The following ATP7B variants were observed in gnomAD, a reference collection of about 807,000 sequenced individuals.
ATP7B encodes copper-transporting ATPase 2.
In ATP7B, 113 loss-of-function variants were observed where a neutral mutation model predicts 118.9. The ratio of observed to expected loss-of-function variants is 0.95; its 90% CI spans 0.82 to 1.11. The LOEUF (loss-of-function observed/expected upper bound fraction) is 1.11, where lower values mean the gene tolerates loss of function less well. ATP7B is among the 50% of genes most tolerant of loss of function. The probability of loss-of-function intolerance (pLI) is 0.00; values close to 1 mark genes in which losing one functional copy is unlikely to be tolerated. For missense variants in ATP7B, 1,867 were observed against 1,871.4 expected, an observed-to-expected ratio of 1.00 and a Z score of 0.04; for synonymous variants, 777 against 727.4, an observed-to-expected ratio of 1.07 and a Z score of -1.10.
Position 51,975,173 on chromosome 13 carries a change from A to C in ATP7B, c.52-5T>G, listed in dbSNP as rs762228338. ...CAAAGAAAGCTTAGATAAGATCTAAAAAGAAAAGAAATAACATTTTTTAAC... is the reference window on the plus strand; with the variant it reads ...CAAAGAAAGCTTAGATAAGATCTAACAAGAAAAGAAATAACATTTTTTAAC... On this transcript the variant is annotated splice_polypyrimidine_tract_variant and splice_region_variant and intron_variant, in intron 1 of 20. Transcript: ENST00000242839. 1.2e-6 allele frequency: 2 copies of C among 1,613,986 alleles called. No individual in the cohort carries two copies. The highest frequency in any genetic ancestry group is 2.7e-5 in the African/African-American group (2 of 74,944).
intron 5 of ATP7B, among the ~76,000 whole-genome samples, chr13:51,964,529 G>A (rs981257859): frequency 1.3e-5 from 2 of 152,246 alleles, no homozygotes; most frequent in African/African-American, 4.8e-5. Context: ...CAGATACTTC[G>A]TTTGGGCAAA....
At chr13:52,006,000 G>A (rs1175239310) in intron 1 of ATP7B, among the ~76,000 whole-genome samples, 4 of 152,232 alleles carry the variant, frequency 2.6e-5, no homozygotes, top group Non-Finnish European at 4.4e-5. Flanking sequence ...CTGCTTAAAG[G>A]TGTCCTTAAA....
At chr13:52,006,667 C>G (rs1953786996) in intron 1 of ATP7B, among the ~76,000 whole-genome samples, 1 of 152,216 alleles carries the variant, frequency 6.6e-6, no homozygotes, top group East Asian at 1.9e-4. Context: ...AACTCCTAGC[C>G]TGATAAACAG....
chr13:51,949,562 A>T, intron 12 of ATP7B, 100 bp downstream of exon 12: 2 of 1,526,356 alleles, frequency 1.3e-6, no homozygotes, highest in Non-Finnish European at 1.8e-6. Flanking sequence ...AATGTAATGA[A>T]TAATTAAAGC....
At chr13:51,996,157 T>C (rs1231930231) in intron 1 of ATP7B, among the ~76,000 whole-genome samples, 1 of 152,212 alleles carries the variant, frequency 6.6e-6, no homozygotes, top group African/African-American at 2.4e-5. Flanking sequence ...GAAAGTTCCA[T>C]GTTTCCTGTA....
In ATP7B at chr13:51,942,444, G is replaced by C. The variant is rs1462687233; in HGVS notation, c.3354C>G (p.Arg1118=). ...GGTGACTGGCCGGTGCACTCAAAGG[G>C]CGCTCACTGTGGGCCAGGATGCCTT... The part of the protein sequence containing the change: ...NVEGILAHSE[R]PLSAPASHLN... The change falls in exon 15 of 21, where the codon CGC becomes CGG. Residue 1118 remains arginine (R), a synonymous_variant. Transcript: ENST00000242839. 38 of 1,614,108 alleles carry C rather than the reference G, an allele frequency of 2.4e-5. No individual in the cohort carries two copies. In the Admixed American group the frequency reaches 6.3e-4, roughly 27 times the overall value.
chr13:51,974,257 C>T lies in ATP7B; in HGVS notation c.963G>A (p.Gly321=). The part of the protein sequence containing the change: ...LQRAIEALPP[G]NFKVSLPDGA... ...CATCAGGAAGAGAAACTTTAAAATTCCCAGGTGGAAGTGCCTCGATAGCCC... is the reference window on the plus strand; with the variant it reads ...CATCAGGAAGAGAAACTTTAAAATTTCCAGGTGGAAGTGCCTCGATAGCCC... The change falls in exon 2 of 21, where the codon GGG becomes GGA. Residue 321 remains glycine, a synonymous_variant. Coordinates refer to ENST00000242839, the MANE Select transcript of ATP7B (RefSeq NM_000053.4). 4 of 1,614,098 alleles carry T rather than the reference C, an allele frequency of 2.5e-6. No individual in the cohort carries two copies. The highest frequency in any genetic ancestry group is 3.4e-6 in the Non-Finnish European group (4 of 1,180,024).
chr13:51,934,260 G>T lies in ATP7B; in HGVS notation c.*496C>A, dbSNP rs924607453. The stretch of plus-strand genomic sequence containing the variant: ...CAGACTATGTACGAAGAAAGGAACA[G>T]ACTATGCAGGAAGAAAGCAACAGGC... On this transcript the variant is annotated 3_prime_UTR_variant, in exon 21 of 21. Coordinates refer to ENST00000242839, the MANE Select transcript of ATP7B (RefSeq NM_000053.4). 4.0e-6 allele frequency: 1 copy of T among 247,198 alleles called. No homozygotes were observed. The highest frequency in any genetic ancestry group is 2.2e-5 in the African/African-American group (1 of 45,498). 15.3% of individuals were successfully genotyped at this position (247,198 alleles called of 1,614,324 possible). A position where few individuals can be genotyped will look rare whatever the true frequency, so the allele number is the denominator to read the frequency against.
chr13:51,961,725 C>G (rs2139663051), intron 6 of ATP7B, 112 bp downstream of exon 6: 1 of 1,034,228 alleles, frequency 9.7e-7, no homozygotes, highest in Admixed American at 1.9e-5. Flanking sequence ...GTAAAGGCAG[C>G]TAATCCAGGA....
rs1263723915 is a variant in ATP7B, at chr13:51,962,049, C to G, written c.1870-136G>C. The stretch of plus-strand genomic sequence containing the variant: ...TGCCTCAGTAGACTTTGTGGGTTTT[C>G]TGCTTACAACTTCTTTACCCAATAG... On this transcript the variant is annotated intron_variant, in intron 5 of 20. Transcript: ENST00000242839. 9 of 694,290 alleles carry G rather than the reference C, an allele frequency of 1.3e-5. No individual in the cohort carries two copies. The African/African-American group carries it at 1.6e-4, about 12-fold the overall frequency. The allele number at this position is 694,290 out of a possible 1,614,324, so 43.0% of individuals were successfully genotyped here.
chr13:51,935,743 C>A (rs1412182676), intron 19 of ATP7B, 48 bp from the exon 20 acceptor site: 2 of 1,541,348 alleles, frequency 1.3e-6, no homozygotes, highest in Non-Finnish European at 1.8e-6. Flanking sequence ...GGGAGAGGAG[C>A]CAGGAGAGGG....
chr13:51,946,881 T>C (rs1957699760), intron 12 of ATP7B, among the ~76,000 whole-genome samples: 1 of 152,204 alleles, frequency 6.6e-6, no homozygotes, highest in Admixed American at 6.5e-5. Context: ...ATATACACAG[T>C]ACATAACACC....
At chr13:52,011,687 GTGTTCTCTGCCGTGCCAGTGCCACAA>G (rs960022533), upstream of ATP7B, among the ~76,000 whole-genome samples, 3 of 152,258 alleles carry the variant, frequency 2.0e-5, no homozygotes, top group African/African-American at 7.2e-5. Flanking sequence ...CGGTGCCACA[GTGTTCTCTGCCGTGCCAGTGCCACAA>G]TGTCCTCTGC....
chr13:51,958,683 C>A (rs1449230551), intron 7 of ATP7B, 139 bp from the exon 8 acceptor site: 2 of 748,444 alleles, frequency 2.7e-6, no homozygotes, highest in Non-Finnish European at 4.7e-6. Context: ...CTGTGATGGG[C>A]GTTTATGAAA....
At chr13:51,940,302 C>T (rs1426960554) in intron 16 of ATP7B, among the ~76,000 whole-genome samples, 29 of 147,656 alleles carry the variant, frequency 2.0e-4, no homozygotes, top group Non-Finnish European at 2.4e-4. Context: ...CGTGAGCCAC[C>T]GCACCTGGCC....
chr13:52,011,726 T>C (rs566608922), upstream of ATP7B, among the ~76,000 whole-genome samples: 10 of 152,354 alleles, frequency 6.6e-5, no homozygotes, highest in Admixed American at 4.6e-4. Flanking sequence ...TCCTCTGCCG[T>C]GCCGGCGCCG....
At chr13:51,969,019 C>T (rs1951712065) in intron 3 of ATP7B, among the ~76,000 whole-genome samples, 1 of 151,406 alleles carries the variant, frequency 6.6e-6, no homozygotes, top group Admixed American at 6.6e-5. Context: ...TGCCACCATG[C>T]CCAGCTAATT....
intron 1 of ATP7B, chr13:51,995,200 C>A: frequency 1.3e-6 from 1 of 762,788 alleles, no homozygotes; most frequent in Non-Finnish European, 1.6e-6. Flanking sequence ...ACTCTCATTC[C>A]GCTCCCCAGA....
chr13:51,984,536 C>T (rs1024248772), intron 1 of ATP7B, among the ~76,000 whole-genome samples: 6 of 152,038 alleles, frequency 3.9e-5, no homozygotes, highest in Admixed American at 3.9e-4. Flanking sequence ...CAAGACAGGC[C>T]AACATTCAAA....
Sources: gnomAD v4.1 joint callset for allele counts (sites outside exome capture counted in the v4.1 genomes callset) on GRCh38, gnomAD v4.1.1 for gene constraint, MANE v1.5 for transcripts, NCBI Gene and HGNC (gene_info 2026-07-23, HGNC 2026-07-21) for gene names.